Variants in GRIA1 observed in about 807,000 individuals in gnomAD.
GRIA1 encodes the protein glutamate receptor 1.
Under a neutral mutation model 99.2 loss-of-function variants are expected in GRIA1, and 31 were observed. The observed-to-expected ratio is 0.31, with a 90% CI of 0.23 to 0.42. The LOEUF (loss-of-function observed/expected upper bound fraction) is 0.42. GRIA1 is among the 10% of genes least tolerant of loss of function. The pLI is 1.00. For synonymous variants in GRIA1, 438 were observed against 432.4 expected, an observed-to-expected ratio of 1.01 and a Z score of -0.16; for missense variants, 782 against 1,157.5, an observed-to-expected ratio of 0.68 and a Z score of 4.71.
intron 8 of GRIA1, among the ~76,000 whole-genome samples, chr5:153,696,181 C>T (rs1056736429): frequency 6.6e-6 from 1 of 152,198 alleles, no homozygotes; most frequent in African/African-American, 2.4e-5. Context: ...CTTCACTTTC[C>T]ACGTCTCGCT....
At chr5:153,737,820 C>T (rs552259377) in intron 11 of GRIA1, among the ~76,000 whole-genome samples, 3 of 152,260 alleles carry the variant, frequency 2.0e-5, no homozygotes, top group Admixed American at 6.5e-5. Context: ...GGTACCTTGT[C>T]CATGGTTAAT....
At chr5:153,795,465 C>T in intron 14 of GRIA1, 1 of 1,439,482 alleles carries the variant, frequency 6.9e-7, no homozygotes, top group Non-Finnish European at 9.8e-7. Flanking sequence ...TTATTTCCCC[C>T]CTGGTTGAAG....
chr5:153,515,931 C>T (rs1034095297), intron 2 of GRIA1, among the ~76,000 whole-genome samples: 4 of 151,996 alleles, frequency 2.6e-5, no homozygotes, highest in Admixed American at 6.6e-5. Flanking sequence ...AGAAGTCTAC[C>T]ATATCTAGGC....
chr5:153,657,780 C>T (rs1426834480), intron 5 of GRIA1, among the ~76,000 whole-genome samples: 1 of 152,108 alleles, frequency 6.6e-6, no homozygotes, highest in Non-Finnish European at 1.5e-5. Flanking sequence ...ATAAGAAGGG[C>T]TTAGAGAAGT....
chr5:153,734,812 G>C (rs1761269636), intron 11 of GRIA1, among the ~76,000 whole-genome samples: 1 of 152,192 alleles, frequency 6.6e-6, no homozygotes, highest in African/African-American at 2.4e-5. Context: ...AGGCATTTCA[G>C]GCAGAAGGAA....
chr5:153,630,369 A>G (rs1218391767), intron 2 of GRIA1, among the ~76,000 whole-genome samples: 1 of 152,068 alleles, frequency 6.6e-6, no homozygotes, highest in African/African-American at 2.4e-5. Flanking sequence ...TAAGCAAAGG[A>G]ATATATTGAA....
chr5:153,643,597 G>C (rs1402211720), intron 2 of GRIA1, among the ~76,000 whole-genome samples: 2 of 152,104 alleles, frequency 1.3e-5, no homozygotes, highest in Non-Finnish European at 1.5e-5. Flanking sequence ...TCTCTCTGCT[G>C]TTGCTTAAGT....
At chr5:153,612,784 A>T (rs1766109654) in intron 2 of GRIA1, among the ~76,000 whole-genome samples, 1 of 152,172 alleles carries the variant, frequency 6.6e-6, no homozygotes, top group Admixed American at 6.5e-5. Flanking sequence ...GCTTCGTAGG[A>T]TACCCAGCCA....
At chr5:153,758,643 A>G (rs1762983561) in intron 11 of GRIA1, among the ~76,000 whole-genome samples, 1 of 152,032 alleles carries the variant, frequency 6.6e-6, no homozygotes, top group Admixed American at 6.5e-5. Flanking sequence ...CACAATAGAG[A>G]GATCATCCAG....
chr5:153,695,369 C>A (rs1758021263), intron 8 of GRIA1, among the ~76,000 whole-genome samples: 1 of 152,214 alleles, frequency 6.6e-6, no homozygotes, highest in Admixed American at 6.5e-5. Context: ...TTGAGAAAGG[C>A]AACTCTTGCG....
chr5:153,703,961 C>A (rs953897013), intron 10 of GRIA1, among the ~76,000 whole-genome samples: 1 of 152,212 alleles, frequency 6.6e-6, no homozygotes, highest in Admixed American at 6.5e-5. Flanking sequence ...AAAGTAAATA[C>A]CTTCTCCCCT....
chr5:153,744,949 G>T (rs1762046467), intron 11 of GRIA1, among the ~76,000 whole-genome samples: 1 of 152,220 alleles, frequency 6.6e-6, no homozygotes, highest in Non-Finnish European at 1.5e-5. Context: ...TCTTGGAGGA[G>T]GTGGCACTTG....
At chr5:153,660,876 A>T (rs1416048506) in intron 5 of GRIA1, among the ~76,000 whole-genome samples, 1 of 152,156 alleles carries the variant, frequency 6.6e-6, no homozygotes, top group Admixed American at 6.6e-5. Context: ...TAAAATTATT[A>T]TTTCTAGTGT....
chr5:153,631,553 A>G (rs1334003014), intron 2 of GRIA1, among the ~76,000 whole-genome samples: 1 of 152,238 alleles, frequency 6.6e-6, no homozygotes, highest in Non-Finnish European at 1.5e-5. Context: ...CACTAAAATC[A>G]TTGTAATATT....
intron 2 of GRIA1, among the ~76,000 whole-genome samples, chr5:153,587,571 C>T (rs1763602587): frequency 6.6e-6 from 1 of 152,154 alleles, no homozygotes. Flanking sequence ...GCACTCCCTG[C>T]CTCTTCTTCT....
At chr5:153,733,966 T>C (rs1359769614) in intron 11 of GRIA1, among the ~76,000 whole-genome samples, 4 of 152,162 alleles carry the variant, frequency 2.6e-5, no homozygotes, top group Non-Finnish European at 5.9e-5. Context: ...GAAAAATCCA[T>C]AAGGAAACAT....
chr5:153,731,868 C>T (rs1386840397), intron 11 of GRIA1, among the ~76,000 whole-genome samples: 1 of 152,094 alleles, frequency 6.6e-6, no homozygotes, highest in Non-Finnish European at 1.5e-5. Flanking sequence ...CGTTTTATAA[C>T]TTCAAGTTAA....
At chr5:153,741,278 A>T (rs757423773) in intron 11 of GRIA1, among the ~76,000 whole-genome samples, 43 of 152,152 alleles carry the variant, frequency 2.8e-4, no homozygotes, top group Non-Finnish European at 4.7e-4. Context: ...CCGGCCAGAA[A>T]TTAGAATTCT....
At chr5:153,680,300 T>G (rs954333292) in intron 7 of GRIA1, among the ~76,000 whole-genome samples, 3 of 152,062 alleles carry the variant, frequency 2.0e-5, no homozygotes, top group Non-Finnish European at 2.9e-5. Flanking sequence ...GCCCCCTGCT[T>G]GCCATCTAGG....
Sources: allele counts gnomAD v4.1 joint callset (sites outside exome capture counted in the v4.1 genomes callset), GRCh38; gene constraint gnomAD v4.1.1; transcripts MANE v1.5; gene names NCBI Gene and HGNC (gene_info 2026-07-23, HGNC 2026-07-21).